NCAPH: variants seen among roughly 807,000 people sequenced by gnomAD.
NCAPH encodes condensin complex subunit 2.
A neutral mutation model predicts 85.5 loss-of-function variants in NCAPH; 38 were observed. The observed-to-expected ratio is 0.44, with a 90% CI of 0.34 to 0.58. The LOEUF (loss-of-function observed/expected upper bound fraction) is 0.58, where lower values mean the gene tolerates loss of function less well. NCAPH is among the 20% of genes least tolerant of loss of function. The pLI is 0.01. For synonymous variants in NCAPH, 301 were observed against 335.1 expected (o/e 0.90, Z 1.11); for missense variants, 789 against 916.6 (o/e 0.86, Z 1.80).
chr2:96,365,617 G>T (rs574580898), intron 13 of NCAPH, among the ~76,000 whole-genome samples: 3 of 152,096 alleles, frequency 2.0e-5, no homozygotes, highest in Non-Finnish European at 1.5e-5. Context: ...CTGAAGGGGG[G>T]ACATAGTGGC....
chr2:96,356,083 T>C (rs868703610), intron 9 of NCAPH, among the ~76,000 whole-genome samples: 2 of 152,212 alleles, frequency 1.3e-5, no homozygotes, highest in Non-Finnish European at 2.9e-5. Flanking sequence ...TCCATGACTT[T>C]TATTTGGTTT....
chr2:96,356,266 G>C (rs1346925106), intron 9 of NCAPH, among the ~76,000 whole-genome samples: 1 of 152,148 alleles, frequency 6.6e-6, no homozygotes, highest in Non-Finnish European at 1.5e-5. Flanking sequence ...CCACATCGCT[G>C]GCCTTTCCTG....
At chr2:96,367,000 G>A (rs976122669) in intron 14 of NCAPH, among the ~76,000 whole-genome samples, 4 of 152,144 alleles carry the variant, frequency 2.6e-5, no homozygotes, top group African/African-American at 7.2e-5. Flanking sequence ...GGAGGCTGAG[G>A]CTGGAGAATC....
chr2:96,362,167 C>T (rs2064633320), intron 12 of NCAPH, among the ~76,000 whole-genome samples: 4 of 151,618 alleles, frequency 2.6e-5, no homozygotes, highest in Admixed American at 2.6e-4. Context: ...CTATAGTAAG[C>T]TATGATCATG....
intron 15 of NCAPH, 149 bp from the exon 16 acceptor site, chr2:96,368,823 C>T: frequency 1.5e-6 from 1 of 650,358 alleles, no homozygotes; most frequent in Non-Finnish European, 2.6e-6. Context: ...CACTGGTTCT[C>T]TTTGTAGATC....
At chr2:96,359,484 G>A (rs1350959752) in intron 10 of NCAPH, 7 of 394,578 alleles carry the variant, frequency 1.8e-5, no homozygotes, top group East Asian at 4.5e-5. Context: ...CAGTGGTCAC[G>A]GGTGGGCATG....
At chr2:96,337,200 T>G (rs1354742878) in intron 1 of NCAPH, among the ~76,000 whole-genome samples, 3 of 152,178 alleles carry the variant, frequency 2.0e-5, no homozygotes, top group Non-Finnish European at 2.9e-5. Flanking sequence ...TTTGGAGAAT[T>G]AAAGCATGCC....
At chr2:96,357,095 A>G (rs1046882142) in intron 9 of NCAPH, among the ~76,000 whole-genome samples, 7 of 152,198 alleles carry the variant, frequency 4.6e-5, no homozygotes, top group African/African-American at 1.7e-4. Context: ...TTAATGACCT[A>G]GTCGGAGGTC....
At chr2:96,339,223 T>C (rs1299743276) in intron 1 of NCAPH, among the ~76,000 whole-genome samples, 1 of 152,236 alleles carries the variant, frequency 6.6e-6, no homozygotes, top group Non-Finnish European at 1.5e-5. Context: ...TGTTTGTTTG[T>C]TTTGTTTTTT....
intron 6 of NCAPH, among the ~76,000 whole-genome samples, chr2:96,350,655 G>A (rs1448343214): frequency 6.6e-6 from 1 of 152,150 alleles, no homozygotes; most frequent in Non-Finnish European, 1.5e-5. Context: ...GATGACGAAT[G>A]TGCTGCTCTG....
intron 14 of NCAPH, 65 bp from the exon 15 acceptor site, chr2:96,367,192 A>C: frequency 1.7e-6 from 2 of 1,162,558 alleles, no homozygotes; most frequent in South Asian, 2.6e-5. Context: ...CTTTGTTTTT[A>C]CAGTGAATTA....
At position 96,366,000 on chromosome 2, in the gene NCAPH, C is replaced by T; in HGVS notation, c.1823C>T (p.Ala608Val). ...CAACAGAATGGTGACACTCCAGAAG[C>T]CCAAGGATTAGACATCACAACATAT... Reference protein sequence around the residue: ...TAQQNGDTPEAQGLDITTYGE... With the variant: ...TAQQNGDTPEVQGLDITTYGE... The change falls in exon 14 of 18, where the codon GCC becomes GTC. Residue 608 changes from alanine (A) to valine (V), a missense_variant. Coordinates refer to ENST00000240423, the MANE Select transcript of NCAPH (RefSeq NM_015341.5). The T allele has an allele frequency of 6.2e-7, 1 of 1,614,168 alleles. No individual in the cohort carries two copies. The highest frequency in any genetic ancestry group is 8.5e-7 in the Non-Finnish European group (1 of 1,180,028).
In NCAPH at chr2:96,342,748, G is replaced by A; in HGVS notation, c.364-8G>A. Reference sequence around the variant, plus strand: ...ATAACAATCCTTTCTGCAATTTTCTGTTTTCAGAAAATCACTACCAAGAAT... The same window carrying A: ...ATAACAATCCTTTCTGCAATTTTCTATTTTCAGAAAATCACTACCAAGAAT... On this transcript the variant is annotated splice_region_variant and splice_polypyrimidine_tract_variant and intron_variant, in intron 3 of 17. Transcript: ENST00000240423. 6.2e-7 allele frequency: 1 copy of A among 1,607,182 alleles called. No individual in the cohort carries two copies. Among genetic ancestry groups the A allele is most frequent in the Non-Finnish European group, 8.5e-7 (1 of 1,174,974 alleles).
At chr2:96,336,937 G>C (rs2064222236) in intron 1 of NCAPH, among the ~76,000 whole-genome samples, 1 of 152,232 alleles carries the variant, frequency 6.6e-6, no homozygotes, top group South Asian at 2.1e-4. Context: ...GGGACTGTCA[G>C]CTGTTTCAAA....
Position 96,351,972 on chromosome 2 carries a change from C to A in NCAPH, c.862C>A (p.Pro288Thr). The change falls in exon 7 of 18, where the codon CCT (proline) becomes ACT (threonine). Residue 288 changes from proline (P) to threonine (T), a missense_variant. Pro to Thr is a conservative substitution (Grantham distance 38). Coordinates refer to ENST00000240423, the MANE Select transcript of NCAPH (RefSeq NM_015341.5). The part of the protein sequence containing the change: ...SDVQTLSTGE[P>T]LELPELGCVE... Reference sequence around the variant, plus strand: ...TGTCCAGACTCTCTCCACGGGAGAACCTCTCGAGTTGCCAGAGTTAGGTTG... The same window carrying A: ...TGTCCAGACTCTCTCCACGGGAGAAACTCTCGAGTTGCCAGAGTTAGGTTG... 6.2e-7 allele frequency: 1 copy of A among 1,614,068 alleles called. No individual in the cohort carries two copies. Among genetic ancestry groups the A allele is most frequent in the Non-Finnish European group, 8.5e-7 (1 of 1,179,996 alleles).
At chr2:96,347,316 C>T (rs1244514623) in intron 6 of NCAPH, among the ~76,000 whole-genome samples, 5 of 151,500 alleles carry the variant, frequency 3.3e-5, no homozygotes, top group Non-Finnish European at 4.4e-5. Context: ...CCCTTCAGAC[C>T]CATTTAGACA....
In NCAPH at chr2:96,342,099, A is replaced by G. The variant is rs137952070; in HGVS notation, c.322A>G (p.Thr108Ala). 207 of 1,612,946 alleles carry G rather than the reference A, an allele frequency of 1.3e-4. No individual in the cohort carries two copies. The highest frequency in any genetic ancestry group is 1.7e-4 in the Non-Finnish European group (197 of 1,178,976). The change falls in exon 3 of 18, where the codon ACG becomes GCG. Residue 108 changes from threonine (T) to alanine (A), a missense_variant. Transcript: ENST00000240423. ...CCCCAAGTTTACAAACACGCAGATT[A>G]CGGAACATTACTCCACCTGTATCAA... Reference protein sequence around the residue: ...TIPKFTNTQITEHYSTCIKLS... With the variant: ...TIPKFTNTQIAEHYSTCIKLS...
rs542798304 is a variant in NCAPH at position 96,347,967 on chromosome 2, G to T, written c.720+3738G>T. Among the ~76,000 whole-genome samples, 49 of 152,194 alleles carry T rather than the reference G, an allele frequency of 3.2e-4. 1 individual carries two copies. Among genetic ancestry groups the T allele is most frequent in the African/African-American group, 1.2e-3 (49 of 41,498 alleles). ...AGCAGCTGGCTCTTGTGGGGAGAGG[G>T]AGTTGTATTTTTTCCTTATGTGTGT... On this transcript the variant is annotated intron_variant, in intron 6 of 17. Transcript: ENST00000240423.
intron 13 of NCAPH, 66 bp downstream of exon 13, chr2:96,364,657 T>C (rs1320634881): frequency 8.8e-7 from 1 of 1,138,744 alleles, no homozygotes; most frequent in Non-Finnish European, 1.3e-6. Flanking sequence ...CTGCTTCTCA[T>C]GTCCCCATTT....
Sources: gnomAD v4.1 joint callset for allele counts (sites outside exome capture counted in the v4.1 genomes callset) on GRCh38, gnomAD v4.1.1 for gene constraint, MANE v1.5 for transcripts, NCBI Gene and HGNC (gene_info 2026-07-23, HGNC 2026-07-21) for gene names.